WFDC9: variants seen among roughly 807,000 people sequenced by gnomAD.
The protein encoded by WFDC9 is protein WFDC9.
WFDC9 carries 9 observed loss-of-function variants against 9.5 expected under a neutral mutation model. The observed-to-expected ratio is 0.95, with a 90% confidence interval of 0.57 to 1.65. WFDC9 has a LOEUF of 1.65. Ranked by LOEUF, WFDC9 falls within the 40% of genes most tolerant of loss-of-function variation. The pLI is 0.00. For missense variants in WFDC9, 87 were observed against 106.7 expected (o/e 0.82, Z 0.81); for synonymous variants, 33 against 32.3 (o/e 1.02, Z -0.07).
intron 1 of WFDC9, among the ~76,000 whole-genome samples, chr20:45,622,731 T>C (rs532336860): frequency 6.6e-5 from 10 of 152,074 alleles, no homozygotes; most frequent in Non-Finnish European, 1.5e-4. Context: ...ATGATGCCAA[T>C]ATCTACTCTA....
intron 1 of WFDC9, among the ~76,000 whole-genome samples, chr20:45,621,838 C>T (rs150824373): frequency 6.6e-6 from 1 of 152,324 alleles, no homozygotes; most frequent in Non-Finnish European, 1.5e-5. Flanking sequence ...TTGCCCCTTG[C>T]ACCTTTTCCC....
chr20:45,622,285 A>G (rs1359590471), intron 1 of WFDC9, among the ~76,000 whole-genome samples: 3 of 152,156 alleles, frequency 2.0e-5, no homozygotes, highest in African/African-American at 7.2e-5. Flanking sequence ...TCTATAGAAT[A>G]TTTTAAAATT....
chr20:45,627,504 T>C (rs1461029176), intron 1 of WFDC9, among the ~76,000 whole-genome samples: 1 of 151,100 alleles, frequency 6.6e-6, no homozygotes, highest in Admixed American at 6.6e-5. Context: ...TTACTTGTTA[T>C]TCGTCTGTTC....
At chr20:45,619,631 T>TAAAAAAAA (rs1210274847) in intron 1 of WFDC9, among the ~76,000 whole-genome samples, 1 of 152,212 alleles carries the variant, frequency 6.6e-6, no homozygotes, top group Admixed American at 6.5e-5. Context: ...AAATCTGATA[T>TAAAAAAAA]TAATAATTTT....
chr20:45,613,877 A>G (rs1981915130), intron 2 of WFDC9, among the ~76,000 whole-genome samples: 1 of 152,184 alleles, frequency 6.6e-6, no homozygotes. Flanking sequence ...GCTTACAGCC[A>G]GGGATGTGAG....
At chr20:45,617,311 C>T (rs1421113947) in intron 1 of WFDC9, among the ~76,000 whole-genome samples, 1 of 152,132 alleles carries the variant, frequency 6.6e-6, no homozygotes, top group Non-Finnish European at 1.5e-5. Flanking sequence ...AAAAATTAGC[C>T]TGGCATGGTG....
intron 1 of WFDC9, among the ~76,000 whole-genome samples, chr20:45,625,702 C>A (rs1982201688): frequency 6.6e-6 from 1 of 151,822 alleles, no homozygotes; most frequent in East Asian, 1.9e-4. Context: ...GTTTTCCTAG[C>A]ACCATTTACT....
intron 2 of WFDC9, among the ~76,000 whole-genome samples, chr20:45,612,564 T>C (rs189268655): frequency 6.6e-6 from 1 of 151,926 alleles, no homozygotes; most frequent in African/African-American, 2.4e-5. Flanking sequence ...GAAACTAGAG[T>C]ATGGGAACAG....
intron 1 of WFDC9, chr20:45,629,441 C>A (rs1265924344): frequency 6.3e-6 from 1 of 157,844 alleles, no homozygotes; most frequent in Non-Finnish European, 1.4e-5. Context: ...AAAGATAATG[C>A]AATGAAACAT....
chr20:45,620,871 T>C (rs1029730436), intron 1 of WFDC9, among the ~76,000 whole-genome samples: 7 of 152,184 alleles, frequency 4.6e-5, no homozygotes, highest in Admixed American at 1.3e-4. Flanking sequence ...AAATTACTTG[T>C]TTACTTTTGG....
intron 1 of WFDC9, among the ~76,000 whole-genome samples, chr20:45,619,475 C>T (rs910853754): frequency 6.6e-6 from 1 of 152,096 alleles, no homozygotes; most frequent in African/African-American, 2.4e-5. Flanking sequence ...AAAACAAAGA[C>T]TGAGAGAATT....
chr20:45,630,992 G>T, intron 1 of WFDC9: 1 of 1,603,718 alleles, frequency 6.2e-7, no homozygotes, highest in South Asian at 1.1e-5. Flanking sequence ...TACCTACTGT[G>T]GGAATGTTTG....
chr20:45,608,271 G>T, intron 4 of WFDC9, 131 bp from the exon 5 acceptor site: 1 of 1,085,104 alleles, frequency 9.2e-7, no homozygotes, highest in Non-Finnish European at 1.3e-6. Flanking sequence ...CCACTTTTAA[G>T]CAATTTCCCC....
At position 45,608,811 on chromosome 20, in the gene WFDC9, C is replaced by G; in HGVS notation, c.92-1G>C. On this transcript the variant is annotated splice_acceptor_variant, in intron 3 of 4. Coordinates refer to ENST00000326000, the MANE Select transcript of WFDC9 (RefSeq NM_147198.4). LOFTEE classifies it high-confidence loss of function. The stretch of plus-strand genomic sequence containing the variant: ...TCAGTTTCTCTTATCATATCTAGAA[C>G]TGAGATGGAAGAAGTTAGCAGGGTC... 1.2e-6 allele frequency: 2 copies of G among 1,608,692 alleles called. No individual in the cohort carries two copies. The highest frequency in any genetic ancestry group is 1.7e-6 in the Non-Finnish European group (2 of 1,177,802).
intron 2 of WFDC9, among the ~76,000 whole-genome samples, chr20:45,612,730 A>G (rs1436500935): frequency 6.6e-6 from 1 of 152,216 alleles, no homozygotes; most frequent in Non-Finnish European, 1.5e-5. Context: ...TATTAAGACT[A>G]CTTTTTAACA....
intron 1 of WFDC9, among the ~76,000 whole-genome samples, chr20:45,630,152 A>G (rs552474192): frequency 6.6e-6 from 1 of 152,310 alleles, no homozygotes; most frequent in South Asian, 2.1e-4. Context: ...TTAGAGAGAA[A>G]TGGCACATCC....
At chr20:45,623,016 T>A (rs575082382) in intron 1 of WFDC9, among the ~76,000 whole-genome samples, 1 of 152,272 alleles carries the variant, frequency 6.6e-6, no homozygotes, top group East Asian at 1.9e-4. Flanking sequence ...TGTGCATGTT[T>A]GAGAAATGGC....
intron 1 of WFDC9, 144 bp downstream of exon 1, chr20:45,631,059 C>T (rs988384068): frequency 6.4e-7 from 1 of 1,559,342 alleles, no homozygotes; most frequent in African/African-American, 1.4e-5. Context: ...CTTCCCAACT[C>T]CTCTATCCAA....
At chr20:45,608,481 C>T (rs1218137772) in intron 4 of WFDC9, among the ~76,000 whole-genome samples, 182 bp downstream of exon 4, 1 of 152,176 alleles carries the variant, frequency 6.6e-6, no homozygotes, top group Non-Finnish European at 1.5e-5. Context: ...TAGAGGACCT[C>T]ATGTTGGTGT....
Sources: allele counts gnomAD v4.1 joint callset (sites outside exome capture counted in the v4.1 genomes callset), GRCh38; gene constraint gnomAD v4.1.1; transcripts MANE v1.5; gene names NCBI Gene and HGNC (gene_info 2026-07-23, HGNC 2026-07-21).